ATP8A2: variants seen among roughly 807,000 people sequenced by gnomAD.
The protein encoded by ATP8A2 is phospholipid-transporting ATPase IB.
In ATP8A2, 100 loss-of-function variants were observed where a neutral mutation model predicts 165.6. That is an observed-to-expected ratio of 0.60 (90% CI 0.51 to 0.71). The LOEUF is 0.71. Ranked by LOEUF, ATP8A2 falls within the 30% of genes least tolerant of loss-of-function variation. The pLI is 0.00. For missense variants in ATP8A2, 1,227 were observed against 1,479.5 expected (o/e 0.83, Z 2.80); for synonymous variants, 543 against 548.8 (o/e 0.99, Z 0.15).
In ATP8A2 at chr13:25,545,634, G is replaced by C. The variant is rs140057434; in HGVS notation, c.891+2232G>C. On this transcript the variant is annotated intron_variant, in intron 10 of 36. Coordinates refer to ENST00000381655, the MANE Select transcript of ATP8A2 (RefSeq NM_016529.6). Reference sequence around the variant, plus strand: ...CCACAAATCACTACTTCTGGCTTTTGTTTGTTTGTTTGTTTTTTGAGACAG... The same window carrying C: ...CCACAAATCACTACTTCTGGCTTTTCTTTGTTTGTTTGTTTTTTGAGACAG... Among the ~76,000 whole-genome samples the C allele has an allele frequency of 2.4e-3, 361 of 152,178 alleles. 3 individuals carry two copies. The highest frequency in any genetic ancestry group is 7.8e-3 in the African/African-American group (326 of 41,536).
At chr13:25,602,690 T>TA (rs2040418319) in intron 24 of ATP8A2, among the ~76,000 whole-genome samples, 2 of 152,168 alleles carry the variant, frequency 1.3e-5, no homozygotes, top group South Asian at 2.1e-4. Flanking sequence ...ACTCATCCTG[T>TA]AGCAGTGTAG....
At chr13:25,822,189 G>A (rs928904186) in intron 27 of ATP8A2, among the ~76,000 whole-genome samples, 2 of 152,070 alleles carry the variant, frequency 1.3e-5, no homozygotes, top group Non-Finnish European at 1.5e-5. Context: ...AGGATGAGCC[G>A]TAATTTCTTT....
chr13:25,700,869 G>A (rs1342184292), intron 25 of ATP8A2, among the ~76,000 whole-genome samples: 4 of 152,092 alleles, frequency 2.6e-5, no homozygotes, highest in East Asian at 1.9e-4. Flanking sequence ...AACACTTGTC[G>A]CTAGCTATCT....
chr13:25,620,346 C>A (rs1038579740), intron 24 of ATP8A2, among the ~76,000 whole-genome samples: 3 of 152,194 alleles, frequency 2.0e-5, no homozygotes, highest in East Asian at 3.9e-4. Context: ...TACCTGCCAA[C>A]CCAGAGCTTT....
In ATP8A2 at chr13:25,838,711, G is replaced by T. The variant is rs58808520; in HGVS notation, c.2878-835G>T. Among the ~76,000 whole-genome samples, 350 of 152,126 alleles carry T rather than the reference G, an allele frequency of 2.3e-3. 2 individuals carry two copies. Among genetic ancestry groups the T allele is most frequent in the African/African-American group, 7.6e-3 (316 of 41,500 alleles). On this transcript the variant is annotated intron_variant, in intron 29 of 36. Coordinates refer to ENST00000381655, the MANE Select transcript of ATP8A2 (RefSeq NM_016529.6). ...CTCAAACTATATGATAATTTCCAGG[G>T]ACAACTTGTAGAGGTTTAAATAAAT...
intron 25 of ATP8A2, among the ~76,000 whole-genome samples, chr13:25,737,462 A>G (rs1015154449): frequency 2.0e-5 from 3 of 152,080 alleles, no homozygotes; most frequent in Non-Finnish European, 4.4e-5. Flanking sequence ...ACCCTTATAG[A>G]AGAATCCAAA....
chr13:25,704,123 G>GA (rs1206789038), intron 25 of ATP8A2, among the ~76,000 whole-genome samples: 1 of 152,116 alleles, frequency 6.6e-6, no homozygotes, highest in East Asian at 1.9e-4. Context: ...TTTGTGGAAA[G>GA]AAAAATAAAG....
At chr13:25,424,076 G>A (rs747460890) in intron 1 of ATP8A2, among the ~76,000 whole-genome samples, 2 of 152,176 alleles carry the variant, frequency 1.3e-5, no homozygotes, top group Middle Eastern at 3.2e-3. Flanking sequence ...AGAAAGGCAA[G>A]TTGTCCTGCA....
At chr13:25,923,038 A>G (rs555562987) in intron 33 of ATP8A2, among the ~76,000 whole-genome samples, 1 of 152,324 alleles carries the variant, frequency 6.6e-6, no homozygotes, top group South Asian at 2.1e-4. Flanking sequence ...AGTGGGGTTA[A>G]ATAGAACCAG....
At chr13:25,669,438 T>C (rs765828948) in intron 24 of ATP8A2, among the ~76,000 whole-genome samples, 5 of 152,220 alleles carry the variant, frequency 3.3e-5, no homozygotes, top group Admixed American at 6.5e-5. Flanking sequence ...AGTTCTGACC[T>C]AAGTCATTCC....
chr13:25,500,836 C>CA (rs768527604), intron 2 of ATP8A2, among the ~76,000 whole-genome samples: 26 of 152,272 alleles, frequency 1.7e-4, no homozygotes, highest in Non-Finnish European at 2.5e-4. Flanking sequence ...CCTAGCCTCT[C>CA]AAAGTGCTGG....
chr13:25,502,377 A>T (rs1401998065), intron 2 of ATP8A2, among the ~76,000 whole-genome samples: 1 of 152,236 alleles, frequency 6.6e-6, no homozygotes, highest in East Asian at 1.9e-4. Flanking sequence ...TCATCATGTC[A>T]TTGGGAAAAT....
chr13:25,372,391 C>A lies in ATP8A2; in HGVS notation c.76+103C>A. The A allele has an allele frequency of 1.4e-6, 1 of 717,936 alleles. No individual in the cohort carries two copies. 44.5% of individuals were successfully genotyped at this position (717,936 alleles called of 1,614,324 possible). On this transcript the variant is annotated intron_variant, in intron 1 of 36. Transcript: ENST00000381655. The surrounding 1 kb of genome is among the most constrained non-coding windows in gnomAD (Gnocchi z 4.8). Reference sequence around the variant, plus strand: ...ACTGCCCCGCCCGCGCCCCGCTCCCCTCCCTGGGCTCCCTGGGCTCTCTGG... The same window carrying A: ...ACTGCCCCGCCCGCGCCCCGCTCCCATCCCTGGGCTCCCTGGGCTCTCTGG...
rs1055120731 is a variant in ATP8A2 at position 25,559,892 on chromosome 13, G to A, written c.1397+127G>A. ...GCACAGGATGGAGTGCAGTGATACT[G>A]TCATAGCTCACTGTAGTCACGAACT... is the stretch of plus-strand genomic sequence containing the variant. On this transcript the variant is annotated intron_variant, in intron 15 of 36. Coordinates refer to ENST00000381655, the MANE Select transcript of ATP8A2 (RefSeq NM_016529.6). 3 of 680,888 alleles carry A rather than the reference G, an allele frequency of 4.4e-6. No homozygotes were observed. The African/African-American group carries it at 5.4e-5, about 12-fold the overall frequency. The allele number at this position is 680,888 out of a possible 1,614,324, so 42.2% of individuals were successfully genotyped here. A position where few individuals can be genotyped will look rare whatever the true frequency, so the allele number is the denominator to read the frequency against.
chr13:25,819,909 A>C (rs1300349226), intron 27 of ATP8A2, among the ~76,000 whole-genome samples: 2 of 152,238 alleles, frequency 1.3e-5, no homozygotes, highest in African/African-American at 4.8e-5. Flanking sequence ...CTGATATGCA[A>C]ATTAGTAGAT....
intron 24 of ATP8A2, among the ~76,000 whole-genome samples, chr13:25,601,033 C>T (rs1200181863): frequency 6.6e-6 from 1 of 152,128 alleles, no homozygotes; most frequent in Admixed American, 6.5e-5. Flanking sequence ...ATGAACATCT[C>T]GTGGACCACA....
intron 1 of ATP8A2, among the ~76,000 whole-genome samples, chr13:25,441,198 A>T (rs1408140266): frequency 6.6e-6 from 1 of 152,226 alleles, no homozygotes; most frequent in Non-Finnish European, 1.5e-5. Flanking sequence ...ACAGCTTAGA[A>T]CAGTGATGAA....
chr13:25,918,919 G>A lies in ATP8A2; in HGVS notation c.3184-42656G>A, dbSNP rs368031496. 3.9e-4 allele frequency among the ~76,000 whole-genome samples: 60 copies of A among 152,312 alleles called. 1 individual carries two copies. In the South Asian group the frequency reaches 5.0e-3, roughly 13 times the overall value. On this transcript the variant is annotated intron_variant, in intron 33 of 36. Transcript: ENST00000381655. ...TGCAAATTGCACCCTGGGGGTTGGT[G>A]TTCAAATGGGAGCTAAACAGCAAGA...
intron 2 of ATP8A2, among the ~76,000 whole-genome samples, chr13:25,503,066 G>A (rs935811986): frequency 9.9e-5 from 15 of 152,166 alleles, no homozygotes; most frequent in Non-Finnish European, 1.9e-4. Flanking sequence ...CCAGGACTAG[G>A]CGGGTGGGAT....
Sources: gnomAD v4.1 joint callset for allele counts (sites outside exome capture counted in the v4.1 genomes callset) on GRCh38, gnomAD v4.1.1 for gene constraint, Gnocchi (gnomAD v3.1) non-coding constraint, MANE v1.5 for transcripts, NCBI Gene and HGNC (gene_info 2026-07-23, HGNC 2026-07-21) for gene names.